SNX29: variants seen among roughly 807,000 people sequenced by gnomAD.
SNX29 encodes the protein sorting nexin 29.
Under a neutral mutation model 102.1 loss-of-function variants are expected in SNX29, and 78 were observed. The observed-to-expected ratio is 0.76, with a 90% confidence interval of 0.64 to 0.92. The LOEUF (loss-of-function observed/expected upper bound fraction) is 0.92, where lower values mean the gene tolerates loss of function less well. SNX29 is among the 40% of genes least tolerant of loss of function. SNX29 has a pLI of 0.00. For missense variants in SNX29, 1,280 were observed against 1,061.7 expected, an observed-to-expected ratio of 1.21 and a Z score of -2.86; for synonymous variants, 580 against 414.5, an observed-to-expected ratio of 1.40 and a Z score of -4.85.
chr16:11,979,939 G>A (rs988617572), intron 1 of SNX29, among the ~76,000 whole-genome samples: 6 of 152,156 alleles, frequency 3.9e-5, no homozygotes, highest in South Asian at 4.1e-4. Context: ...ACTGTGCTCC[G>A]GCCATAACAT....
chr16:12,328,946 C>A (rs2081208824), intron 15 of SNX29, among the ~76,000 whole-genome samples: 1 of 152,016 alleles, frequency 6.6e-6, no homozygotes, highest in South Asian at 2.1e-4. Flanking sequence ...ATCTTGGCTT[C>A]ATCCTTGGTG....
intron 20 of SNX29, among the ~76,000 whole-genome samples, chr16:12,554,526 A>G (rs1046863266): frequency 2.0e-5 from 3 of 152,200 alleles, no homozygotes; most frequent in African/African-American, 7.2e-5. Context: ...TGCATTGAAC[A>G]TTCTCGCCCA....
At chr16:12,476,005 G>C (rs2087574703) in intron 18 of SNX29, among the ~76,000 whole-genome samples, 1 of 152,066 alleles carries the variant, frequency 6.6e-6, no homozygotes, top group African/African-American at 2.4e-5. Context: ...TATATCATAA[G>C]CAGGTATGGG....
chr16:12,074,422 C>G (rs987225909), intron 10 of SNX29, among the ~76,000 whole-genome samples: 3 of 151,944 alleles, frequency 2.0e-5, no homozygotes, highest in Admixed American at 2.0e-4. Context: ...TTCTCCTTCA[C>G]TTATGAAGCT....
chr16:12,479,671 C>T (rs2087817446), intron 19 of SNX29, among the ~76,000 whole-genome samples: 2 of 152,204 alleles, frequency 1.3e-5, no homozygotes, highest in Admixed American at 6.5e-5. Flanking sequence ...GACCCATAGG[C>T]TCATACAAAT....
rs75123725 is a variant in SNX29 at position 12,569,617 on chromosome 16, C to G, written c.*988C>G. ...CTGCCCCCGACATTGTCCTTGATAA[C>G]AGAACTCTGCATCCCCTAAGACAGA... On this transcript the variant is annotated 3_prime_UTR_variant, in exon 21 of 21. Coordinates refer to ENST00000566228, the MANE Select transcript of SNX29 (RefSeq NM_032167.5). 46 of 208,686 alleles carry G rather than the reference C, an allele frequency of 2.2e-4. No individual in the cohort carries two copies. Among genetic ancestry groups the G allele is most frequent in the African/African-American group, 1.1e-3 (43 of 38,068 alleles). 12.9% of individuals were successfully genotyped at this position (208,686 alleles called of 1,614,324 possible). A position where few individuals can be genotyped will look rare whatever the true frequency, so the allele number is the denominator to read the frequency against.
intron 19 of SNX29, among the ~76,000 whole-genome samples, chr16:12,480,267 C>T (rs1207429917): frequency 6.6e-6 from 1 of 152,166 alleles, no homozygotes; most frequent in Non-Finnish European, 1.5e-5. Flanking sequence ...GTCACCCAGG[C>T]CTCTTCCTTC....
chr16:12,455,887 C>T (rs1190005708), intron 18 of SNX29, among the ~76,000 whole-genome samples: 1 of 152,154 alleles, frequency 6.6e-6, no homozygotes, highest in African/African-American at 2.4e-5. Context: ...ATTTATCCAT[C>T]CATCTACCTA....
At chr16:12,118,192 TCTA>T (rs879663786) in intron 11 of SNX29, among the ~76,000 whole-genome samples, 5 of 152,144 alleles carry the variant, frequency 3.3e-5, no homozygotes, top group Non-Finnish European at 5.9e-5. Flanking sequence ...TTCCATTGCT[TCTA>T]CTGCTGGAAG....
chr16:12,412,436 A>G (rs969658992), intron 18 of SNX29, among the ~76,000 whole-genome samples: 1 of 152,182 alleles, frequency 6.6e-6, no homozygotes, highest in Non-Finnish European at 1.5e-5. Flanking sequence ...TCACTCTCTC[A>G]TTGACCCATC....
chr16:12,121,910 G>C lies in SNX29; in HGVS notation c.1403-4723G>C, dbSNP rs539008781. Among the ~76,000 whole-genome samples the C allele has an allele frequency of 4.6e-5, 7 of 152,272 alleles. No individual in the cohort carries two copies. In the South Asian group the frequency reaches 1.5e-3, roughly 32 times the overall value. On this transcript the variant is annotated intron_variant, in intron 11 of 20. Coordinates refer to ENST00000566228, the MANE Select transcript of SNX29 (RefSeq NM_032167.5). The stretch of plus-strand genomic sequence containing the variant: ...ACCTCCCTGCAACCTCTGCCTCCCG[G>C]GTTCAAGTGATTCTCCTGCCTCAAC...
intron 18 of SNX29, among the ~76,000 whole-genome samples, chr16:12,411,967 CA>C (rs1469584922): frequency 6.6e-6 from 1 of 152,228 alleles, no homozygotes; most frequent in Non-Finnish European, 1.5e-5. Context: ...TCCCCGTGTT[CA>C]AAAAAACTGT....
chr16:12,099,700 C>T (rs1274164413), intron 11 of SNX29, among the ~76,000 whole-genome samples: 1 of 152,186 alleles, frequency 6.6e-6, no homozygotes, highest in Non-Finnish European at 1.5e-5. Context: ...AGGACTTGCA[C>T]CAGCCTGCTG....
chr16:12,454,409 T>G (rs2086444738), intron 18 of SNX29, among the ~76,000 whole-genome samples: 1 of 152,222 alleles, frequency 6.6e-6, no homozygotes, highest in Admixed American at 6.5e-5. Context: ...CAAATGCGAT[T>G]CCTACCTGAT....
chr16:12,087,494 G>C (rs912667360), intron 11 of SNX29: 4 of 237,996 alleles, frequency 1.7e-5, no homozygotes, highest in Admixed American at 5.1e-5. Context: ...CTTCTTGGGA[G>C]AATGAGGCAG....
intron 15 of SNX29, among the ~76,000 whole-genome samples, chr16:12,279,796 C>CTGAA (rs1188268716): frequency 1.3e-5 from 2 of 152,178 alleles, no homozygotes; most frequent in East Asian, 1.9e-4. Context: ...TCTGGATTTA[C>CTGAA]TGAATGAATG....
chr16:12,352,906 T>C (rs189261377), intron 15 of SNX29, among the ~76,000 whole-genome samples: 1 of 152,272 alleles, frequency 6.6e-6, no homozygotes, highest in African/African-American at 2.4e-5. Flanking sequence ...CAACTGAGGA[T>C]AGAAGGAAGC....
At chr16:12,114,340 G>T (rs2053610216) in intron 11 of SNX29, among the ~76,000 whole-genome samples, 1 of 152,222 alleles carries the variant, frequency 6.6e-6, no homozygotes, top group African/African-American at 2.4e-5. Flanking sequence ...GAGAGGTGCA[G>T]AGAAGCACAC....
intron 4 of SNX29, among the ~76,000 whole-genome samples, chr16:12,039,732 A>G (rs926099333): frequency 1.3e-5 from 2 of 152,206 alleles, no homozygotes; most frequent in African/African-American, 4.8e-5. Context: ...ATTTTGAAGA[A>G]GGCCAAGTCC....
Sources: allele counts gnomAD v4.1 joint callset (sites outside exome capture counted in the v4.1 genomes callset), GRCh38; gene constraint gnomAD v4.1.1; transcripts MANE v1.5; gene names NCBI Gene and HGNC (gene_info 2026-07-23, HGNC 2026-07-21).